STIM2: variants seen among roughly 807,000 people sequenced by gnomAD.
The protein encoded by STIM2 is stromal interaction molecule 2.
STIM2 carries 31 observed loss-of-function variants against 85.8 expected under a neutral mutation model. The ratio of observed to expected loss-of-function variants is 0.36; its 90% CI spans 0.27 to 0.49. The LOEUF is 0.49. Among genes scored for constraint, STIM2 ranks in the 20% least tolerant of loss-of-function variants. The probability of loss-of-function intolerance (pLI) is 0.98; values close to 1 mark genes in which losing one functional copy is unlikely to be tolerated. For missense variants in STIM2, 841 were observed against 927.6 expected (o/e 0.91, Z 1.21); for synonymous variants, 356 against 331.1 (o/e 1.08, Z -0.82).
chr4:26,905,159 C>G (rs948989262), intron 1 of STIM2, among the ~76,000 whole-genome samples: 1 of 152,110 alleles, frequency 6.6e-6, no homozygotes, highest in African/African-American at 2.4e-5. Flanking sequence ...AGTGAATAGA[C>G]CAGAAAGTTA....
intron 1 of STIM2, among the ~76,000 whole-genome samples, chr4:26,864,419 T>G (rs1199800911): frequency 6.6e-6 from 1 of 152,054 alleles, no homozygotes; most frequent in Non-Finnish European, 1.5e-5. Context: ...AGTTGATGAA[T>G]TGATCCTGGT....
intron 10 of STIM2, among the ~76,000 whole-genome samples, chr4:27,012,795 G>T (rs1728602261): frequency 6.6e-6 from 1 of 151,888 alleles, no homozygotes; most frequent in Non-Finnish European, 1.5e-5. Flanking sequence ...AATGTTTTTG[G>T]TAGATTACTT....
At chr4:26,898,514 A>G (rs763003779) in intron 1 of STIM2, among the ~76,000 whole-genome samples, 9 of 152,276 alleles carry the variant, frequency 5.9e-5, no homozygotes, top group Non-Finnish European at 1.0e-4. Context: ...AATCATCACT[A>G]TTGATGATTG....
At chr4:26,977,792 A>G (rs543016124) in intron 3 of STIM2, among the ~76,000 whole-genome samples, 6 of 152,204 alleles carry the variant, frequency 3.9e-5, no homozygotes, top group African/African-American at 1.4e-4. Context: ...ATTGAAAAAT[A>G]CTGGTTGAGA....
chr4:27,007,667 C>A lies in STIM2; in HGVS notation c.1116C>A (p.Asn372Lys). Residue 372 changes from asparagine to lysine, a missense_variant, in exon 8 of 12, where the codon AAC becomes AAA. Around this residue, in one of 3 missense-constraint regions of STIM2, gnomAD observed 408 missense variants for 525.4 expected, o/e 0.78. Transcript: ENST00000467087. ...AATACTACAATATTAAAAGACAAAA[C>A]GCTGAAATGCAGCTAGCTATTGCTA... The A allele has an allele frequency of 6.3e-7, 1 of 1,582,572 alleles. No individual in the cohort carries two copies. Among genetic ancestry groups the A allele is most frequent in the Non-Finnish European group, 8.6e-7 (1 of 1,168,124 alleles).
At chr4:26,985,114 A>G (rs1727532545) in intron 3 of STIM2, among the ~76,000 whole-genome samples, 1 of 152,154 alleles carries the variant, frequency 6.6e-6, no homozygotes, top group Non-Finnish European at 1.5e-5. Flanking sequence ...TCTAAACATA[A>G]ACCTGTCTTG....
At chr4:26,861,396 G>T in intron 1 of STIM2, 27 bp downstream of exon 1, 1 of 1,284,332 alleles carries the variant, frequency 7.8e-7, no homozygotes, top group Admixed American at 4.2e-5. Flanking sequence ...CGGCGGGCGG[G>T]GCTCGGCCGG....
rs193145761 is a variant in STIM2, at chr4:26,975,903, G to A, written c.397+18177G>A. On this transcript the variant is annotated intron_variant, in intron 3 of 11. Transcript: ENST00000467087. ...GGCCTTGTTGAGCTGTGGTGGCTCC[G>A]CCCAGTTCCAGCTACCAGGCTGCTT... is the stretch of plus-strand genomic sequence containing the variant. 1.2e-3 allele frequency among the ~76,000 whole-genome samples: 188 copies of A among 152,294 alleles called. 1 individual carries two copies. Among genetic ancestry groups the A allele is most frequent in the African/African-American group, 3.5e-3 (147 of 41,558 alleles).
At chr4:27,003,317 C>A (rs559265787) in intron 7 of STIM2, among the ~76,000 whole-genome samples, 1 of 152,270 alleles carries the variant, frequency 6.6e-6, no homozygotes, top group African/African-American at 2.4e-5. Context: ...CATGTTCACT[C>A]ATTCATGAAA....
intron 1 of STIM2, among the ~76,000 whole-genome samples, chr4:26,892,230 A>G (rs560366714): frequency 1.3e-5 from 2 of 152,298 alleles, no homozygotes; most frequent in East Asian, 3.9e-4. Context: ...AGGCTTTAAG[A>G]AATTACCAAA....
chr4:26,898,693 A>C (rs1323395146), intron 1 of STIM2, among the ~76,000 whole-genome samples: 1 of 152,192 alleles, frequency 6.6e-6, no homozygotes, highest in Non-Finnish European at 1.5e-5. Context: ...ATCAATTTTT[A>C]GATTAATAAG....
Position 26,907,329 on chromosome 4 carries a change from G to T in STIM2, c.152-12175G>T, listed in dbSNP as rs1350877339. Among the ~76,000 whole-genome samples, 4 of 152,064 alleles carry T rather than the reference G, an allele frequency of 2.6e-5. No homozygotes were observed. The South Asian group carries it at 6.2e-4, about 24-fold the overall frequency. The stretch of plus-strand genomic sequence containing the variant: ...AAAAACATTATGTGAAAAAGGATAG[G>T]TAGAAAGGACCATAGTGAAGAATGA... On this transcript the variant is annotated intron_variant, in intron 1 of 11. Coordinates refer to ENST00000467087, the MANE Select transcript of STIM2 (RefSeq NM_020860.4).
At chr4:26,882,223 T>C (rs1316164636) in intron 1 of STIM2, among the ~76,000 whole-genome samples, 1 of 152,200 alleles carries the variant, frequency 6.6e-6, no homozygotes, top group Admixed American at 6.5e-5. Flanking sequence ...CATTCTCTTA[T>C]GGTGATTCTT....
chr4:26,997,519 G>A (rs966910837), intron 4 of STIM2, among the ~76,000 whole-genome samples: 3 of 152,120 alleles, frequency 2.0e-5, no homozygotes, highest in Admixed American at 2.0e-4. Context: ...CCACTCAGGT[G>A]GAATCATTTT....
intron 1 of STIM2, among the ~76,000 whole-genome samples, chr4:26,862,695 T>C (rs796267604): frequency 3.2e-4 from 48 of 152,280 alleles, no homozygotes; most frequent in African/African-American, 1.1e-3. Flanking sequence ...AACCTACCAA[T>C]TGGGTAACTG....
intron 1 of STIM2, among the ~76,000 whole-genome samples, chr4:26,888,569 G>T (rs553761752): frequency 8.3e-4 from 127 of 152,300 alleles, no homozygotes; most frequent in Non-Finnish European, 1.2e-3. Flanking sequence ...TTTTGTTTAT[G>T]ATTACCTTCT....
chr4:27,017,692 C>T lies in STIM2; in HGVS notation c.1490-19C>T. On this transcript the variant is annotated intron_variant, in intron 10 of 11. Transcript: ENST00000467087. Reference sequence around the variant, plus strand: ...AACCCTGGACTTCATGAGCATGTTTCTTTCTTGGTGTTTTTCAGGGACCAT... The same window carrying T: ...AACCCTGGACTTCATGAGCATGTTTTTTTCTTGGTGTTTTTCAGGGACCAT... 1 of 1,611,638 alleles carries T rather than the reference C, an allele frequency of 6.2e-7. No homozygotes were observed. Among genetic ancestry groups the T allele is most frequent in the Non-Finnish European group, 8.5e-7 (1 of 1,177,982 alleles).
At chr4:26,904,116 C>T (rs1436922178) in intron 1 of STIM2, among the ~76,000 whole-genome samples, 1 of 126,148 alleles carries the variant, frequency 7.9e-6, no homozygotes, top group Non-Finnish European at 1.6e-5. Flanking sequence ...CCACAACAGT[C>T]CCCAGAGTGT....
intron 1 of STIM2, among the ~76,000 whole-genome samples, chr4:26,891,558 TACACACACACACACACACAC>T (rs71643700): frequency 2.8e-5 from 4 of 144,540 alleles, no homozygotes; most frequent in Admixed American, 2.1e-4. Flanking sequence ...TATACATACA[TACACACACACACACACACAC>T]ACACACACAC....
Sources: allele counts gnomAD v4.1 joint callset (sites outside exome capture counted in the v4.1 genomes callset), GRCh38; gene constraint gnomAD v4.1.1; regional missense constraint gnomAD v4.1.1; transcripts MANE v1.5; gene names NCBI Gene and HGNC (gene_info 2026-07-23, HGNC 2026-07-21).